The following SYTL2 variants were observed in gnomAD, a reference collection of about 807,000 sequenced individuals.
SYTL2 encodes the protein synaptotagmin-like protein 2.
In SYTL2, 165 loss-of-function variants were observed where a neutral mutation model predicts 198.7. The ratio of observed to expected loss-of-function variants is 0.83; its 90% CI spans 0.73 to 0.94. SYTL2 has a LOEUF of 0.94. Ranked by LOEUF, SYTL2 falls within the 40% of genes least tolerant of loss-of-function variation. SYTL2 has a pLI of 0.00. For missense variants in SYTL2, 2,835 were observed against 2,582.8 expected, an observed-to-expected ratio of 1.10 and a Z score of -2.12; for synonymous variants, 966 against 917.7, an observed-to-expected ratio of 1.05 and a Z score of -0.95.
chr11:85,723,542 C>G (rs1337441716), intron 8 of SYTL2, among the ~76,000 whole-genome samples: 1 of 152,194 alleles, frequency 6.6e-6, no homozygotes, highest in African/African-American at 2.4e-5. Context: ...TGCGACAAAT[C>G]TTACCAGACT....
chr11:85,839,125 T>C, the SYTL2 span, among the ~76,000 whole-genome samples: 294 of 152,310 alleles, frequency 1.9e-3, 1 homozygote, highest in African/African-American at 6.7e-3. Context: ...ATTCATGAGT[T>C]ATCCCATGAA....
Position 85,726,898 on chromosome 11 carries a change from T to C in SYTL2, c.2460A>G (p.Glu820=), listed in dbSNP as rs960348497. The C allele has an allele frequency of 2.1e-5, 33 of 1,536,550 alleles. No homozygotes were observed. The highest frequency in any genetic ancestry group is 2.8e-5 in the Non-Finnish European group (32 of 1,147,012). Residue 820 remains glutamate, a synonymous_variant, in exon 8 of 20, where the codon GAA becomes GAG. Transcript: ENST00000359152. ...GCTGATATGCTTTAGCAGAAGGTTGTTCCTGGCTACATGAAGATGTGGGTT... is the reference window on the plus strand; with the variant it reads ...GCTGATATGCTTTAGCAGAAGGTTGCTCCTGGCTACATGAAGATGTGGGTT... The part of the protein sequence containing the change: ...HEKPTSSCSQ[E]QPSAKAYQPV...
At chr11:85,711,935 G>A (rs979946301) in intron 12 of SYTL2, among the ~76,000 whole-genome samples, 2 of 152,004 alleles carry the variant, frequency 1.3e-5, no homozygotes, top group South Asian at 2.1e-4. Context: ...AAATATGTCC[G>A]AGGAAGTATT....
At chr11:85,777,887 C>T (rs536163866) in intron 1 of SYTL2, among the ~76,000 whole-genome samples, 3 of 125,040 alleles carry the variant, frequency 2.4e-5, no homozygotes, top group South Asian at 2.7e-4. Flanking sequence ...ATGGCATAAT[C>T]TCGGCTCACT....
At chr11:85,754,301 C>CTCTT (rs1341907613) in intron 2 of SYTL2, among the ~76,000 whole-genome samples, 1 of 152,078 alleles carries the variant, frequency 6.6e-6, no homozygotes, top group Non-Finnish European at 1.5e-5. Flanking sequence ...ATATCATTGT[C>CTCTT]CAGAGCAGTT....
chr11:85,724,011 T>A (rs2088741938), intron 8 of SYTL2, 21 bp downstream of exon 8: 1 of 1,405,414 alleles, frequency 7.1e-7, no homozygotes, highest in South Asian at 1.9e-5. Context: ...CACTGTGAGT[T>A]AAAAAATTTT....
chr11:85,709,982 C>T (rs577718033), intron 13 of SYTL2, among the ~76,000 whole-genome samples: 5 of 152,262 alleles, frequency 3.3e-5, no homozygotes, highest in Admixed American at 6.5e-5. Flanking sequence ...CGCGCCCAGC[C>T]GACTAATGTT....
intron 16 of SYTL2, 108 bp downstream of exon 16, chr11:85,704,750 T>C: frequency 3.7e-6 from 3 of 818,846 alleles, no homozygotes; most frequent in Non-Finnish European, 5.5e-6. Context: ...TTTAAAATTC[T>C]CCCAAACTAC....
chr11:85,746,277 G>A (rs1245570225), intron 3 of SYTL2, among the ~76,000 whole-genome samples: 1 of 152,168 alleles, frequency 6.6e-6, no homozygotes, highest in Non-Finnish European at 1.5e-5. Flanking sequence ...CCTCCCCACA[G>A]TCTCTACAAA....
At position 85,742,376 on chromosome 11, in the gene SYTL2, C is replaced by A. The variant is rs141666333; in HGVS notation, c.389+3261G>T. Among the ~76,000 whole-genome samples the A allele has an allele frequency of 6.3e-4, 96 of 152,316 alleles. 2 individuals are homozygous for A. Among genetic ancestry groups the A allele is most frequent in the Non-Finnish European group, 5.1e-4 (35 of 68,020 alleles). On this transcript the variant is annotated intron_variant, in intron 4 of 19. Coordinates refer to ENST00000359152, the MANE Select transcript of SYTL2 (RefSeq NM_206927.4). ...GTCAGGAAACATTATACCTCATTTA[C>A]GGACAGGGTCCTGACCTTCATGGGA...
the SYTL2 span, among the ~76,000 whole-genome samples, chr11:85,833,339 T>G: frequency 6.8e-6 from 1 of 148,046 alleles, no homozygotes; most frequent in East Asian, 1.9e-4. Flanking sequence ...ATCATATATA[T>G]CATATATATA....
chr11:85,802,220 C>CT (rs5793172), intron 1 of SYTL2, among the ~76,000 whole-genome samples: 53,253 of 122,510 alleles, frequency 0.43, 12,971 homozygotes, highest in South Asian at 0.53. Context: ...TTTTTCTTTT[C>CT]TTTTTTTTTT....
At chr11:85,770,020 C>T (rs2092324226) in intron 1 of SYTL2, among the ~76,000 whole-genome samples, 2 of 152,186 alleles carry the variant, frequency 1.3e-5, no homozygotes, top group Non-Finnish European at 1.5e-5. Context: ...AGATGTTCCT[C>T]ATAGATAAGG....
chr11:85,725,890 A>G lies in SYTL2; in HGVS notation c.3468T>C (p.His1156=), dbSNP rs2089100581. 2.5e-6 allele frequency: 4 copies of G among 1,613,868 alleles called. No homozygotes were observed. The highest frequency in any genetic ancestry group is 2.2e-5 in the East Asian group (1 of 44,892). ...PAIQPSGGKV[H]GKQVLEPSVS... is the part of the protein sequence containing the mutation. The stretch of plus-strand genomic sequence containing the variant: ...CACTTGGTTCAAGCACTTGTTTTCC[A>G]TGAACTTTTCCACCAGAGGGTTGAA... Residue 1156 remains histidine (H), a synonymous_variant, in exon 8 of 20, where the codon CAT becomes CAC. Transcript: ENST00000359152.
chr11:85,783,692 G>A (rs1325287720), intron 1 of SYTL2, among the ~76,000 whole-genome samples: 1 of 152,148 alleles, frequency 6.6e-6, no homozygotes, highest in African/African-American at 2.4e-5. Flanking sequence ...AACAGGTTTA[G>A]AGAGGCCAAG....
At chr11:85,728,925 G>C (rs2089518643) in intron 7 of SYTL2, among the ~76,000 whole-genome samples, 1 of 152,152 alleles carries the variant, frequency 6.6e-6, no homozygotes, top group Non-Finnish European at 1.5e-5. Flanking sequence ...AGCTATTCTA[G>C]TGATTGTTCT....
chr11:85,732,842 G>A (rs1287278269), intron 7 of SYTL2, among the ~76,000 whole-genome samples: 1 of 152,164 alleles, frequency 6.6e-6, no homozygotes, highest in Non-Finnish European at 1.5e-5. Context: ...CAGGCTTACT[G>A]AAGATGGCAG....
chr11:85,834,118 G>A, the SYTL2 span, among the ~76,000 whole-genome samples: 5 of 151,878 alleles, frequency 3.3e-5, no homozygotes, highest in African/African-American at 1.2e-4. Flanking sequence ...AAGCTACCAT[G>A]CACAAGAGTT....
rs1226601840 is a variant in SYTL2, at chr11:85,727,733, G to A, written c.1625C>T (p.Pro542Leu). 1.9e-6 allele frequency: 3 copies of A among 1,552,108 alleles called. No homozygotes were observed. Residue 542 changes from proline to leucine, a missense_variant, in exon 8 of 20, where the codon CCC (proline) becomes CTC (leucine). Pro to Leu is a moderately conservative substitution (Grantham distance 98, BLOSUM62 -3). Around this residue, in one of 3 missense-constraint regions of SYTL2, gnomAD observed 2,645 missense variants for 2,381.7 expected, o/e 1.11. Transcript: ENST00000359152. ...TTTTTCTTTGGACTCTATTCCTCGG[G>A]GATGTTGGAGGAATGACTTATTGTC... is the stretch of plus-strand genomic sequence containing the variant. Reference protein sequence around the residue: ...SDDNKSFLQHPRGIESKEKTD... With the variant: ...SDDNKSFLQHLRGIESKEKTD...
Sources: allele counts gnomAD v4.1 joint callset (sites outside exome capture counted in the v4.1 genomes callset), GRCh38; gene constraint gnomAD v4.1.1; regional missense constraint gnomAD v4.1.1; transcripts MANE v1.5; gene names NCBI Gene and HGNC (gene_info 2026-07-23, HGNC 2026-07-21).